SAMD5: variants seen among roughly 807,000 people sequenced by gnomAD.
The protein encoded by SAMD5 is sterile alpha motif domain containing 5, also known as sterile alpha motif domain-containing protein 5.
In SAMD5, 13 loss-of-function variants were observed where a neutral mutation model predicts 11.3. The ratio of observed to expected loss-of-function variants is 1.15; its 90% confidence interval spans 0.75 to 1.83. SAMD5 has a LOEUF of 1.83. Ranked by LOEUF, SAMD5 falls within the 40% of genes most tolerant of loss-of-function variation. SAMD5 has a pLI of 0.00. For synonymous variants in SAMD5, 129 were observed against 111.3 expected (o/e 1.16, Z -1.00); for missense variants, 255 against 239.1 (o/e 1.07, Z -0.44).
At chr6:147,582,600 A>C (rs1017133050) in intron 1 of SAMD5, among the ~76,000 whole-genome samples, 20 of 152,232 alleles carry the variant, frequency 1.3e-4, no homozygotes, top group Non-Finnish European at 1.6e-4. Context: ...CATCTGCAGA[A>C]GGACTTCTTA....
chr6:147,868,654 G>T, the SAMD5 span, among the ~76,000 whole-genome samples: 1 of 152,176 alleles, frequency 6.6e-6, no homozygotes, highest in Non-Finnish European at 1.5e-5. Flanking sequence ...GTAACATTTG[G>T]CTTAGAAGGC....
chr6:147,589,817 C>T (rs844566), intron 1 of SAMD5, among the ~76,000 whole-genome samples: 5,725 of 152,218 alleles, frequency 0.038, 163 homozygotes, highest in African/African-American at 0.083. Context: ...ATGCCTAACA[C>T]ATAGTCAGCA....
At chr6:147,829,871 A>G in the SAMD5 span, among the ~76,000 whole-genome samples, 1 of 152,174 alleles carries the variant, frequency 6.6e-6, no homozygotes, top group Non-Finnish European at 1.5e-5. Context: ...CAGGAAGGGG[A>G]GTTGAAACAT....
chr6:147,744,345 TTATC>T, the SAMD5 span, among the ~76,000 whole-genome samples: 1 of 152,178 alleles, frequency 6.6e-6, no homozygotes. Context: ...AAATACATAC[TTATC>T]TAAGTAAAAT....
intron 1 of SAMD5, among the ~76,000 whole-genome samples, chr6:147,615,080 T>C (rs1789846143): frequency 6.6e-6 from 1 of 152,022 alleles, no homozygotes; most frequent in African/African-American, 2.4e-5. Context: ...ATTTGAAGTA[T>C]ATAGGAGGAT....
At chr6:147,698,365 C>T (rs892634256) in intron 1 of SAMD5, among the ~76,000 whole-genome samples, 11 of 152,098 alleles carry the variant, frequency 7.2e-5, no homozygotes, top group Admixed American at 3.3e-4. Context: ...TTTGCCAAGC[C>T]GCAAACATTC....
At chr6:147,778,068 TCA>T in the SAMD5 span, among the ~76,000 whole-genome samples, 27 of 152,336 alleles carry the variant, frequency 1.8e-4, no homozygotes, top group South Asian at 3.7e-3. Flanking sequence ...AGTTACTTTT[TCA>T]CAGTTTTACA....
At chr6:147,851,692 G>A in the SAMD5 span, among the ~76,000 whole-genome samples, 1 of 151,986 alleles carries the variant, frequency 6.6e-6, no homozygotes, top group Non-Finnish European at 1.5e-5. Context: ...GAATACTTCT[G>A]ACTTAGACTT....
At chr6:147,541,036 G>A (rs1349827581) in intron 1 of SAMD5, among the ~76,000 whole-genome samples, 10 of 132,620 alleles carry the variant, frequency 7.5e-5, no homozygotes, top group East Asian at 2.7e-4. Flanking sequence ...TGCAACCTCC[G>A]CCTCCTGGGT....
chr6:147,713,418 G>A (rs1791425810), intron 1 of SAMD5, among the ~76,000 whole-genome samples: 1 of 152,166 alleles, frequency 6.6e-6, no homozygotes, highest in Non-Finnish European at 1.5e-5. Flanking sequence ...TAAGAAGAAT[G>A]AGGACATAAC....
At chr6:147,584,301 G>A (rs1463976592) in intron 1 of SAMD5, among the ~76,000 whole-genome samples, 1 of 152,180 alleles carries the variant, frequency 6.6e-6, no homozygotes, top group Non-Finnish European at 1.5e-5. Flanking sequence ...CCAAGCACTT[G>A]CTTTTGTTTG....
chr6:147,887,875 G>C, the SAMD5 span, among the ~76,000 whole-genome samples: 3 of 152,196 alleles, frequency 2.0e-5, no homozygotes, highest in African/African-American at 4.8e-5. Context: ...TATGTGGGTA[G>C]TGATATCTCA....
chr6:147,732,159 G>A (rs1791725262), intron 1 of SAMD5, among the ~76,000 whole-genome samples: 1 of 152,168 alleles, frequency 6.6e-6, no homozygotes, highest in Non-Finnish European at 1.5e-5. Context: ...CCATCAGCCA[G>A]CCAGCATCCC....
chr6:147,839,870 T>G, the SAMD5 span, among the ~76,000 whole-genome samples: 1 of 152,198 alleles, frequency 6.6e-6, no homozygotes, highest in Non-Finnish European at 1.5e-5. Flanking sequence ...CATTATCTCA[T>G]TTGACCCACA....
At chr6:147,539,077 G>GC (rs1788559225) in intron 1 of SAMD5, among the ~76,000 whole-genome samples, 1 of 152,144 alleles carries the variant, frequency 6.6e-6, no homozygotes, top group Non-Finnish European at 1.5e-5. Flanking sequence ...AGGAAAGCAT[G>GC]CATTTCTAGG....
At chr6:147,720,345 C>T (rs544863875) in intron 1 of SAMD5, among the ~76,000 whole-genome samples, 21 of 152,296 alleles carry the variant, frequency 1.4e-4, no homozygotes, top group African/African-American at 5.1e-4. Context: ...CTCCTGTAGT[C>T]CCAGCTACTC....
chr6:147,832,527 T>C, the SAMD5 span, among the ~76,000 whole-genome samples: 1 of 152,164 alleles, frequency 6.6e-6, no homozygotes, highest in Admixed American at 6.5e-5. Context: ...ATTAGCTTCA[T>C]TCTTTCTAGA....
intron 1 of SAMD5, among the ~76,000 whole-genome samples, chr6:147,640,055 C>T (rs907406571): frequency 6.6e-6 from 1 of 152,046 alleles, no homozygotes; most frequent in Non-Finnish European, 1.5e-5. Flanking sequence ...CGGCTGGGCG[C>T]GGTGGCTCAT....
chr6:147,692,998 A>T, intron 1 of SAMD5, among the ~76,000 whole-genome samples: 1 of 152,202 alleles, frequency 6.6e-6, no homozygotes, highest in East Asian at 1.9e-4. Flanking sequence ...CAAGAGCTTC[A>T]TTTGGTTTTT....
Sources: allele counts gnomAD v4.1 joint callset (sites outside exome capture counted in the v4.1 genomes callset), GRCh38; gene constraint gnomAD v4.1.1; transcripts MANE v1.5; gene names NCBI Gene and HGNC (gene_info 2026-07-23, HGNC 2026-07-21).